NTRK2: variants seen among roughly 807,000 people sequenced by gnomAD.
NTRK2 encodes BDNF/NT-3 growth factors receptor.
In NTRK2, 13 loss-of-function variants were observed where a neutral mutation model predicts 94.5. The observed-to-expected ratio is 0.14, with a 90% CI of 0.09 to 0.22. NTRK2 has a LOEUF of 0.22. NTRK2 is among the 10% of genes least tolerant of loss of function. The pLI is 1.00. For missense variants in NTRK2, 639 were observed against 1,071.2 expected (o/e 0.60, Z 5.63); for synonymous variants, 372 against 407.4 (o/e 0.91, Z 1.05).
chr9:84,823,319 T>G (rs1363814601), intron 12 of NTRK2, among the ~76,000 whole-genome samples: 1 of 152,218 alleles, frequency 6.6e-6, no homozygotes, highest in Non-Finnish European at 1.5e-5. Flanking sequence ...ACAGCTCTTG[T>G]TATTGATTCA....
At chr9:84,908,678 A>T (rs2077149709) in intron 14 of NTRK2, among the ~76,000 whole-genome samples, 1 of 152,190 alleles carries the variant, frequency 6.6e-6, no homozygotes, top group East Asian at 1.9e-4. Flanking sequence ...ATTTATGGAT[A>T]AATAATACAT....
At chr9:84,938,528 G>T (rs75887034) in intron 15 of NTRK2, among the ~76,000 whole-genome samples, 8,443 of 152,114 alleles carry the variant, frequency 0.056, 293 homozygotes, top group Admixed American at 0.084. Context: ...TATAGCATTT[G>T]TCAATATTTT....
At chr9:84,881,660 C>G (rs945478550) in intron 14 of NTRK2, among the ~76,000 whole-genome samples, 1 of 152,200 alleles carries the variant, frequency 6.6e-6, no homozygotes, top group East Asian at 1.9e-4. Context: ...CTTCATTGAG[C>G]TTCAGGCATC....
chr9:84,815,882 A>G (rs1193613060), intron 12 of NTRK2, among the ~76,000 whole-genome samples: 1 of 152,000 alleles, frequency 6.6e-6, no homozygotes, highest in East Asian at 1.9e-4. Context: ...TCTGTGATAA[A>G]TTATCCCCCC....
chr9:84,891,522 G>T (rs2132304411), intron 14 of NTRK2, among the ~76,000 whole-genome samples: 1 of 152,290 alleles, frequency 6.6e-6, no homozygotes, highest in South Asian at 2.1e-4. Flanking sequence ...GTGGCAATAT[G>T]CATTCCATGG....
At chr9:84,870,452 A>G (rs1023218784) in intron 14 of NTRK2, among the ~76,000 whole-genome samples, 1 of 148,476 alleles carries the variant, frequency 6.7e-6, no homozygotes, top group Non-Finnish European at 1.5e-5. Flanking sequence ...TCCTCTTGAC[A>G]TAGCCTCCTG....
chr9:84,875,307 G>A lies in NTRK2; in HGVS notation c.1633+7876G>A, dbSNP rs2076021505. ...TTGTATTTCCTTGGAGATGTGCAGG[G>A]GTTAAGAGCGGGGGTCTGGCCATAG... On this transcript the variant is annotated intron_variant, in intron 14 of 18. Coordinates refer to ENST00000277120, the MANE Select transcript of NTRK2 (RefSeq NM_006180.6). The A allele has an allele frequency of 1.8e-5, 19 of 1,059,402 alleles. No homozygotes were observed. In the South Asian group the frequency reaches 6.8e-4, roughly 38 times the overall value. The allele number at this position is 1,059,402 out of a possible 1,614,324, so 65.6% of individuals were successfully genotyped here.
At chr9:84,800,520 A>G (rs79996237) in intron 12 of NTRK2, among the ~76,000 whole-genome samples, 7,170 of 152,272 alleles carry the variant, frequency 0.047, 209 homozygotes, top group East Asian at 0.14. Flanking sequence ...TTTTATAATT[A>G]CCACCTATGT....
chr9:84,916,079 C>A (rs1286683654), intron 14 of NTRK2, among the ~76,000 whole-genome samples: 1 of 152,028 alleles, frequency 6.6e-6, no homozygotes, highest in African/African-American at 2.4e-5. Flanking sequence ...GAGTCCACAA[C>A]GTGCAGTGCT....
chr9:84,852,514 G>A (rs2074827695), intron 12 of NTRK2, among the ~76,000 whole-genome samples: 1 of 152,166 alleles, frequency 6.6e-6, no homozygotes, highest in Non-Finnish European at 1.5e-5. Flanking sequence ...ATTAAGCAGA[G>A]GTTGCCCCTG....
chr9:84,851,268 G>A (rs1194493196), intron 12 of NTRK2, among the ~76,000 whole-genome samples: 1 of 152,180 alleles, frequency 6.6e-6, no homozygotes, highest in African/African-American at 2.4e-5. Context: ...ACCCTAAAGA[G>A]CACATTGGGC....
At chr9:84,802,827 C>A (rs2070660227) in intron 12 of NTRK2, among the ~76,000 whole-genome samples, 1 of 152,144 alleles carries the variant, frequency 6.6e-6, no homozygotes, top group Non-Finnish European at 1.5e-5. Context: ...TGACAGTATC[C>A]TGAGGGTGCC....
intron 17 of NTRK2, among the ~76,000 whole-genome samples, chr9:84,957,169 C>T (rs1588043255): frequency 6.6e-6 from 1 of 152,154 alleles, no homozygotes; most frequent in South Asian, 2.1e-4. Context: ...TCTTGGTGAG[C>T]ACCCAAGGGA....
At chr9:84,701,170 T>C (rs13283268) in intron 2 of NTRK2, among the ~76,000 whole-genome samples, 3,931 of 152,344 alleles carry the variant, frequency 0.026, 73 homozygotes, top group Admixed American at 0.047. Flanking sequence ...ATGATAGAAC[T>C]TAAGATTAAC....
intron 12 of NTRK2, among the ~76,000 whole-genome samples, chr9:84,845,250 TACACACACACACACAC>T (rs58910921): frequency 1.4e-5 from 2 of 147,902 alleles, no homozygotes; most frequent in South Asian, 2.2e-4. Flanking sequence ...ATGTGGTGTA[TACACACACACACACAC>T]ACACACACAC....
At chr9:84,731,809 A>AT (rs1229291060) in intron 9 of NTRK2, among the ~76,000 whole-genome samples, 8 of 152,068 alleles carry the variant, frequency 5.3e-5, no homozygotes, top group Admixed American at 5.2e-4. Flanking sequence ...CCAGCAAACC[A>AT]AGATCCCCGT....
chr9:84,678,780 C>T (rs988480850), intron 2 of NTRK2, among the ~76,000 whole-genome samples: 2 of 152,214 alleles, frequency 1.3e-5, no homozygotes, highest in South Asian at 2.1e-4. Flanking sequence ...CCAGAACACT[C>T]TTTTTAGTTT....
intron 12 of NTRK2, among the ~76,000 whole-genome samples, chr9:84,836,320 A>T (rs757493660): frequency 2.6e-5 from 4 of 152,074 alleles, no homozygotes; most frequent in Non-Finnish European, 5.9e-5. Context: ...TTGGTTGGGA[A>T]ATGATGGCTA....
Position 84,988,908 on chromosome 9 carries a change from C to T in NTRK2, c.2173-31298C>T, listed in dbSNP as rs930937675. Among the ~76,000 whole-genome samples the T allele has an allele frequency of 5.3e-5, 8 of 152,236 alleles. No homozygotes were observed. The East Asian group carries it at 1.5e-3, about 29-fold the overall frequency. On this transcript the variant is annotated intron_variant, in intron 17 of 18. Coordinates refer to ENST00000277120, the MANE Select transcript of NTRK2 (RefSeq NM_006180.6). ...CTACCAGGAGTGGCTTATCTGACTA[C>T]ATCAAATGGCATAAGGTGACAGATA...
Sources: gnomAD v4.1 joint callset for allele counts (sites outside exome capture counted in the v4.1 genomes callset) on GRCh38, gnomAD v4.1.1 for gene constraint, MANE v1.5 for transcripts, NCBI Gene and HGNC (gene_info 2026-07-23, HGNC 2026-07-21) for gene names.